The following KLHL10 variants were observed in gnomAD, a reference collection of about 807,000 sequenced individuals.
The protein encoded by KLHL10 is kelch-like protein 10.
Under a neutral mutation model 46.6 loss-of-function variants are expected in KLHL10, and 11 were observed. The ratio of observed to expected loss-of-function variants is 0.24; its 90% CI spans 0.15 to 0.39. The LOEUF is 0.39. KLHL10 is among the 10% of genes least tolerant of loss of function. The pLI is 1.00. For synonymous variants in KLHL10, 254 were observed against 279.1 expected (o/e 0.91, Z 0.90); for missense variants, 475 against 789.8 (o/e 0.60, Z 4.78).
chr17:41,845,413 G>A lies in KLHL10; in HGVS notation c.972G>A (p.Glu324=), dbSNP rs539249438. Residue 324 remains glutamate (E), a synonymous_variant, in exon 3 of 5, where the codon GAG becomes GAA. Transcript: ENST00000293303. ...ACAGATGGGTGAATGTTACTTGTGA[G>A]GAAGAGAGTCCCCGTGCCTACCATG... is the stretch of plus-strand genomic sequence containing the variant. ...RADRWVNVTC[E]EESPRAYHGA... The A allele has an allele frequency of 1.2e-6, 2 of 1,614,230 alleles. No individual in the cohort carries two copies. The highest frequency in any genetic ancestry group is 1.7e-5 in the Admixed American group (1 of 60,030).
intron 1 of KLHL10, among the ~76,000 whole-genome samples, chr17:41,840,170 T>C (rs544666337): frequency 3.3e-5 from 5 of 152,316 alleles, no homozygotes; most frequent in African/African-American, 1.2e-4. Flanking sequence ...TTTTAGGTTT[T>C]TGCAGGCCAC....
upstream of KLHL10, among the ~76,000 whole-genome samples, chr17:41,837,098 C>T (rs1486569887): frequency 1.3e-5 from 2 of 152,178 alleles, no homozygotes; most frequent in East Asian, 3.9e-4. Flanking sequence ...GAGGTCGAGG[C>T]TGTAGTGAGT....
At chr17:41,847,457 A>G (rs1555621583) in intron 4 of KLHL10, 47 bp downstream of exon 4, 6 of 1,608,854 alleles carry the variant, frequency 3.7e-6, no homozygotes, top group Non-Finnish European at 5.1e-6. Flanking sequence ...CATTACCCCT[A>G]GATTTTGTAT....
chr17:41,847,510 C>G, intron 4 of KLHL10, 100 bp downstream of exon 4: 1 of 1,159,518 alleles, frequency 8.6e-7, no homozygotes. Context: ...ATTTGAAAAG[C>G]TTTTTTTTTT....
In KLHL10 at chr17:41,848,308, G is replaced by GC; in HGVS notation, c.*3dup. On this transcript the variant is annotated 3_prime_UTR_variant, in exon 5 of 5. Transcript: ENST00000293303. Reference sequence around the variant, plus strand: ...TTCGACAAGTACCCTACCTGTATGAGCCTCTTCATTTAGCTAATAAAAAGT... The same window carrying GC: ...TTCGACAAGTACCCTACCTGTATGAGCCCTCTTCATTTAGCTAATAAAAAGT... The GC allele has an allele frequency of 6.2e-7, 1 of 1,607,772 alleles. No individual in the cohort carries two copies. Among genetic ancestry groups the GC allele is most frequent in the East Asian group, 2.2e-5 (1 of 44,886 alleles).
upstream of KLHL10, chr17:41,837,453 A>G: frequency 1.5e-6 from 1 of 663,916 alleles, no homozygotes; most frequent in Non-Finnish European, 1.9e-6. Flanking sequence ...CGCCCGGCCT[A>G]AGAAAGAAAT....
chr17:41,838,185 TG>T (rs2048188282), intron 1 of KLHL10, 59 bp downstream of exon 1: 2 of 1,382,212 alleles, frequency 1.4e-6, no homozygotes, highest in Non-Finnish European at 1.0e-6. Flanking sequence ...TGAGACACTT[TG>T]ATCCATTTTC....
intron 2 of KLHL10, among the ~76,000 whole-genome samples, chr17:41,844,898 T>C: frequency 6.6e-6 from 1 of 152,274 alleles, no homozygotes; most frequent in East Asian, 1.9e-4. Context: ...GTTGCCAGGC[T>C]GGTCTCAAAC....
intron 2 of KLHL10, among the ~76,000 whole-genome samples, chr17:41,842,947 AG>A (rs2048241762): frequency 6.6e-6 from 1 of 151,368 alleles, no homozygotes. Context: ...AAAAAAAAAA[AG>A]AAAAAAAAAT....
intron 1 of KLHL10, among the ~76,000 whole-genome samples, chr17:41,839,180 C>A (rs557690385): frequency 6.6e-5 from 10 of 152,130 alleles, no homozygotes; most frequent in African/African-American, 2.4e-4. Flanking sequence ...TTAGTAGAGA[C>A]GGGGTTTCAC....
At chr17:41,847,150 G>T in intron 3 of KLHL10, 111 bp from the exon 4 acceptor site, 1 of 957,724 alleles carries the variant, frequency 1.0e-6, no homozygotes, top group South Asian at 1.3e-5. Context: ...ACAAAAAAAA[G>T]AAATTCAGAC....
At chr17:41,847,831 T>C in intron 4 of KLHL10, 102 bp from the exon 5 acceptor site, 2 of 1,481,122 alleles carry the variant, frequency 1.4e-6, no homozygotes, top group East Asian at 2.3e-5. Flanking sequence ...TGGAAGATAA[T>C]GGAAGAGGGA....
At chr17:41,847,544 T>C (rs2048302459) in intron 4 of KLHL10, 134 bp downstream of exon 4, 2 of 1,044,332 alleles carry the variant, frequency 1.9e-6, no homozygotes, top group Non-Finnish European at 2.8e-6. Context: ...CTCGCTCTGT[T>C]GCCCAGGCTG....
At chr17:41,844,180 C>T (rs1555621033) in intron 2 of KLHL10, among the ~76,000 whole-genome samples, 1 of 151,992 alleles carries the variant, frequency 6.6e-6, no homozygotes. Context: ...ACACCTTAGC[C>T]TCCAGAGTAG....
intron 3 of KLHL10, among the ~76,000 whole-genome samples, chr17:41,846,266 T>C (rs868906166): frequency 6.6e-6 from 1 of 151,962 alleles, no homozygotes; most frequent in African/African-American, 2.4e-5. Context: ...CTCACGCCTG[T>C]AATCCCAGCA....
upstream of KLHL10, chr17:41,837,676 G>A (rs1285223072): frequency 4.3e-6 from 5 of 1,171,940 alleles, no homozygotes; most frequent in Admixed American, 6.3e-5. Flanking sequence ...AGAAGGAGGT[G>A]TGAGGTGGTT....
At chr17:41,841,794 G>C in intron 1 of KLHL10, 29 bp from the exon 2 acceptor site, 1 of 1,613,964 alleles carries the variant, frequency 6.2e-7, no homozygotes, top group South Asian at 1.1e-5. Flanking sequence ...AAATGTTTCC[G>C]TGGCTGCTAG....
chr17:41,835,894 C>T (rs782077622), upstream of KLHL10: 1 of 1,609,180 alleles, frequency 6.2e-7, no homozygotes, highest in Middle Eastern at 1.7e-4. Context: ...CGGAGGGCGC[C>T]CACGATCTCC....
At chr17:41,847,533 T>C (rs1427425709) in intron 4 of KLHL10, 123 bp downstream of exon 4, 94 of 1,070,590 alleles carry the variant, frequency 8.8e-5, no homozygotes, top group East Asian at 3.3e-4. Flanking sequence ...TGAGATGGAG[T>C]CTCGCTCTGT....
Sources: gnomAD v4.1 joint callset for allele counts (sites outside exome capture counted in the v4.1 genomes callset) on GRCh38, gnomAD v4.1.1 for gene constraint, MANE v1.5 for transcripts, NCBI Gene and HGNC (gene_info 2026-07-23, HGNC 2026-07-21) for gene names.